CPN1: variants seen among roughly 807,000 people sequenced by gnomAD.
The protein encoded by CPN1 is carboxypeptidase N catalytic chain.
Under a neutral mutation model 46.4 loss-of-function variants are expected in CPN1, and 37 were observed. The ratio of observed to expected loss-of-function variants is 0.80; its 90% confidence interval spans 0.61 to 1.05. The LOEUF (loss-of-function observed/expected upper bound fraction) is 1.05. Ranked by LOEUF, CPN1 falls within the 50% of genes least tolerant of loss-of-function variation. The pLI is 0.00. For missense variants in CPN1, 563 were observed against 602.6 expected, an observed-to-expected ratio of 0.93 and a Z score of 0.69; for synonymous variants, 224 against 235.4, an observed-to-expected ratio of 0.95 and a Z score of 0.44.
In CPN1 at chr10:100,054,250, T is replaced by G. The variant is rs1287879346; in HGVS notation, c.1111+97A>C. On this transcript the variant is annotated intron_variant, in intron 7 of 8. Transcript: ENST00000370418. Reference sequence around the variant, plus strand: ...CCACTCCCAGCATCCTTGACACCCCTGCTGGTTTCACTAGCTTACAAACTG... The same window carrying G: ...CCACTCCCAGCATCCTTGACACCCCGGCTGGTTTCACTAGCTTACAAACTG... The G allele has an allele frequency of 4.3e-6, 4 of 938,136 alleles. No individual in the cohort carries two copies. The East Asian group carries it at 9.7e-5, about 23-fold the overall frequency. 58.1% of individuals were successfully genotyped at this position (938,136 alleles called of 1,614,324 possible). A position where few individuals can be genotyped will look rare whatever the true frequency, so the allele number is the denominator to read the frequency against.
At chr10:100,067,764 G>C (rs2133442261) in intron 3 of CPN1, among the ~76,000 whole-genome samples, 1 of 152,286 alleles carries the variant, frequency 6.6e-6, no homozygotes, top group African/African-American at 2.4e-5. Flanking sequence ...CTCTTGGAGA[G>C]TGAGGCCTAG....
Position 100,074,747 on chromosome 10 carries a change from A to G in CPN1, c.420+1164T>C, listed in dbSNP as rs139541669. ...CCCTGCCTTTTAAACACAGCTTTTAAAGGAACATCTCCATTGCATAAGGCA... is the reference window on the plus strand; with the variant it reads ...CCCTGCCTTTTAAACACAGCTTTTAGAGGAACATCTCCATTGCATAAGGCA... On this transcript the variant is annotated intron_variant, in intron 2 of 8. Transcript: ENST00000370418. Among the ~76,000 whole-genome samples, 10 of 152,126 alleles carry G rather than the reference A, an allele frequency of 6.6e-5. No individual in the cohort carries two copies. In the East Asian group the frequency reaches 1.9e-3, roughly 30 times the overall value.
intron 8 of CPN1, 60 bp from the exon 9 acceptor site, chr10:100,042,633 AG>A: frequency 6.2e-7 from 1 of 1,605,888 alleles, no homozygotes; most frequent in Non-Finnish European, 8.5e-7. Flanking sequence ...CCATAGTTCC[AG>A]TTTCTGAGGG....
intron 8 of CPN1, among the ~76,000 whole-genome samples, chr10:100,044,149 A>T (rs1466702707): frequency 6.6e-6 from 1 of 152,140 alleles, no homozygotes; most frequent in East Asian, 1.9e-4. Context: ...ATTGATAGCC[A>T]GTTTTTCTGC....
intron 3 of CPN1, among the ~76,000 whole-genome samples, chr10:100,069,482 A>G (rs997061216): frequency 3.1e-5 from 1 of 32,068 alleles, no homozygotes; most frequent in African/African-American, 4.3e-4. Context: ...CTCTGTCTTA[A>G]AAAAAAAAAA....
intron 6 of CPN1, among the ~76,000 whole-genome samples, chr10:100,056,544 T>A (rs1044585058): frequency 1.3e-5 from 2 of 152,142 alleles, no homozygotes; most frequent in Admixed American, 1.3e-4. Context: ...TGACAAATAG[T>A]TGTGCTTGAT....
intron 3 of CPN1, among the ~76,000 whole-genome samples, chr10:100,067,176 A>G (rs2041458945): frequency 6.6e-6 from 1 of 152,110 alleles, no homozygotes; most frequent in Non-Finnish European, 1.5e-5. Flanking sequence ...CCCAGACTAG[A>G]GTGCAGTGAT....
chr10:100,057,359 G>A (rs1589473556), intron 5 of CPN1, among the ~76,000 whole-genome samples: 2 of 152,134 alleles, frequency 1.3e-5, no homozygotes, highest in African/African-American at 4.8e-5. Flanking sequence ...CACACATAGT[G>A]ACGTTTCAAT....
At chr10:100,043,666 TTC>T (rs1491509504) in intron 8 of CPN1, among the ~76,000 whole-genome samples, 31 of 147,426 alleles carry the variant, frequency 2.1e-4, no homozygotes, top group African/African-American at 2.6e-4. Context: ...TATTTTACTT[TTC>T]TTTTTTTTTT....
chr10:100,064,986 C>T (rs2041444758), intron 4 of CPN1, among the ~76,000 whole-genome samples: 1 of 152,156 alleles, frequency 6.6e-6, no homozygotes, highest in African/African-American at 2.4e-5. Flanking sequence ...ATGAAGCTTT[C>T]TTTGTATTTA....
At chr10:100,071,547 T>G (rs1453287031) in intron 2 of CPN1, among the ~76,000 whole-genome samples, 1 of 152,214 alleles carries the variant, frequency 6.6e-6, no homozygotes, top group Non-Finnish European at 1.5e-5. Context: ...GAGTCCATCC[T>G]GATTCTAGGT....
At chr10:100,075,604 G>A (rs2041509262) in intron 2 of CPN1, among the ~76,000 whole-genome samples, 1 of 152,164 alleles carries the variant, frequency 6.6e-6, no homozygotes, top group Admixed American at 6.5e-5. Flanking sequence ...TATTTTCCAG[G>A]TTACAAAGTG....
At chr10:100,048,650 AGTGGTG>A in intron 8 of CPN1, 102 bp downstream of exon 8, 1 of 844,966 alleles carries the variant, frequency 1.2e-6, no homozygotes. Flanking sequence ...AGTGAGCCAC[AGTGGTG>A]CCACTGCACT....
chr10:100,047,072 GAA>G (rs554255243), intron 8 of CPN1, among the ~76,000 whole-genome samples: 1 of 136,874 alleles, frequency 7.3e-6, no homozygotes. Flanking sequence ...AGACTCTGTC[GAA>G]AAAAAAAAAA....
intron 8 of CPN1, among the ~76,000 whole-genome samples, chr10:100,042,852 G>C (rs1347419589): frequency 1.3e-5 from 2 of 152,148 alleles, no homozygotes; most frequent in South Asian, 4.2e-4. Context: ...CCAGCACTTG[G>C]GAGGCTGAGG....
rs186659494 is a variant in CPN1 at position 100,074,646 on chromosome 10, A to C, written c.420+1265T>G. Among the ~76,000 whole-genome samples, 936 of 151,946 alleles carry C rather than the reference A, an allele frequency of 6.2e-3. 10 individuals carry two copies. The highest frequency in any genetic ancestry group is 0.017 in the Middle Eastern group (5 of 294). On this transcript the variant is annotated intron_variant, in intron 2 of 8. Coordinates refer to ENST00000370418, the MANE Select transcript of CPN1 (RefSeq NM_001308.3). ...TGGTCAGGCTGATCTCGAACTCCCG[A>C]CCTCAGGTGATCCACCCACCTCAGC... is the stretch of plus-strand genomic sequence containing the variant.
intron 1 of CPN1, among the ~76,000 whole-genome samples, chr10:100,080,039 T>C (rs192338420): frequency 3.8e-4 from 57 of 151,666 alleles, no homozygotes; most frequent in African/African-American, 1.2e-3. Context: ...TGAGCTGAGA[T>C]TGCACCACTG....
At chr10:100,081,183 G>C (rs2041542542) in intron 1 of CPN1, among the ~76,000 whole-genome samples, 1 of 152,196 alleles carries the variant, frequency 6.6e-6, no homozygotes, top group South Asian at 2.1e-4. Context: ...TGAGCAAACA[G>C]AACCCAAAAA....
At chr10:100,055,674 G>A (rs941141477) in intron 6 of CPN1, among the ~76,000 whole-genome samples, 5 of 152,106 alleles carry the variant, frequency 3.3e-5, no homozygotes, top group African/African-American at 9.7e-5. Flanking sequence ...ACAGGCATGC[G>A]CCACCACACC....
Sources: allele counts gnomAD v4.1 joint callset (sites outside exome capture counted in the v4.1 genomes callset), GRCh38; gene constraint gnomAD v4.1.1; transcripts MANE v1.5; gene names NCBI Gene and HGNC (gene_info 2026-07-23, HGNC 2026-07-21).